Variants in EP400 observed in about 807,000 individuals in gnomAD.
The protein encoded by EP400 is E1A-binding protein p400.
In EP400, 105 loss-of-function variants were observed where a neutral mutation model predicts 354.1. The ratio of observed to expected loss-of-function variants is 0.30; its 90% CI spans 0.25 to 0.35. The LOEUF is 0.35. Among genes scored for constraint, EP400 ranks in the 10% least tolerant of loss-of-function variants. The pLI, the probability that EP400 is intolerant of heterozygous loss-of-function variation, is 1.00. For missense variants in EP400, 3,280 were observed against 4,121.0 expected, an observed-to-expected ratio of 0.80 and a Z score of 5.59; for synonymous variants, 1,646 against 1,716.9, an observed-to-expected ratio of 0.96 and a Z score of 1.02.
At chr12:131,962,536 T>G (rs947378465) in intron 2 of EP400, among the ~76,000 whole-genome samples, 1 of 152,238 alleles carries the variant, frequency 6.6e-6, no homozygotes, top group Non-Finnish European at 1.5e-5. Flanking sequence ...AAAAACTGTT[T>G]GAGAAGTTAT....
At chr12:132,062,375 G>A (rs1166310681) in intron 46 of EP400, 52 bp downstream of exon 46, 9 of 1,611,178 alleles carry the variant, frequency 5.6e-6, no homozygotes, top group Middle Eastern at 1.7e-4. Flanking sequence ...TGGCGCGTGT[G>A]AGGGCTCAGC....
chr12:132,016,560 C>T (rs1366860881), intron 19 of EP400, among the ~76,000 whole-genome samples: 6 of 152,006 alleles, frequency 3.9e-5, no homozygotes, highest in Admixed American at 1.3e-4. Flanking sequence ...TTAGTAGAGA[C>T]GGGGTTTTAC....
Position 132,078,042 on chromosome 12 carries a change from G to T in EP400, c.*369G>T. On this transcript the variant is annotated 3_prime_UTR_variant, in exon 53 of 53. Transcript: ENST00000389561. The stretch of plus-strand genomic sequence containing the variant: ...TTGCACGCCACAGAAGCCGTCTGCC[G>T]TGTGTGAGGAGCATACAATGGACTT... 2 of 219,812 alleles carry T rather than the reference G, an allele frequency of 9.1e-6. No homozygotes were observed. Among genetic ancestry groups the T allele is most frequent in the South Asian group, 8.4e-5 (1 of 11,894 alleles). The allele number at this position is 219,812 out of a possible 1,614,324, so 13.6% of individuals were successfully genotyped here.
rs1248886349 is a variant in EP400 at position 132,080,081 on chromosome 12, GC to G, written c.*2411del. ...GAGAACACAGACTATAAAGGCAGCA[GC>G]CCGAACACTGTCAGACTCTAATTGG... On this transcript the variant is annotated 3_prime_UTR_variant, in exon 53 of 53. Coordinates refer to ENST00000389561, the MANE Select transcript of EP400 (RefSeq NM_015409.5). The G allele has an allele frequency of 6.6e-6, 1 of 152,216 alleles. No individual in the cohort carries two copies. Among genetic ancestry groups the G allele is most frequent in the Non-Finnish European group, 1.5e-5 (1 of 68,052 alleles). The allele number at this position is 152,216 out of a possible 1,614,324, so 9.4% of individuals were successfully genotyped here.
At position 131,994,932 on chromosome 12, in the gene EP400, G is replaced by T; in HGVS notation, c.2803G>T (p.Glu935Ter). 1 of 1,614,002 alleles carries T rather than the reference G, an allele frequency of 6.2e-7. No homozygotes were observed. The highest frequency in any genetic ancestry group is 1.1e-5 in the South Asian group (1 of 91,058). ...TGAAGGCGTTGTGGACCACCAAACAGAACTTTCTAATTTAGCCAAGGAAGG... is the reference window on the plus strand; with the variant it reads ...TGAAGGCGTTGTGGACCACCAAACATAACTTTCTAATTTAGCCAAGGAAGG... ...ANEGVVDHQTELSNLAKEAEL... is the reference protein window; with the variant it reads ...ANEGVVDHQT Residue 935 changes from glutamate (E) to a stop codon, truncating the protein, a stop_gained, in exon 12 of 53, where the codon GAA becomes TAA. Transcript: ENST00000389561. LOFTEE classifies it high-confidence loss of function. This position sits in a 1 kb window ranked among gnomAD's most constrained non-coding sequence, Gnocchi z 4.6.
In EP400 at chr12:132,017,758, A is replaced by G. The variant is rs11609000; in HGVS notation, c.4110+37A>G. 2.7e-4 allele frequency: 399 copies of G among 1,502,672 alleles called. 1 individual carries two copies. The highest frequency in any genetic ancestry group is 3.3e-4 in the Admixed American group (14 of 42,310). The allele number at this position is 1,502,672 out of a possible 1,614,324, so 93.1% of individuals were successfully genotyped here. ...ATCCAGAAAGCGGAATTACTGTTGGATATCTTTTCTAGGCACATTATAGAT... is the reference window on the plus strand; with the variant it reads ...ATCCAGAAAGCGGAATTACTGTTGGGTATCTTTTCTAGGCACATTATAGAT... On this transcript the variant is annotated intron_variant, in intron 20 of 52. Transcript: ENST00000389561. The surrounding 1 kb of genome is among the most constrained non-coding windows in gnomAD (Gnocchi z 5.0).
At chr12:131,963,444 A>G (rs1247340769) in intron 2 of EP400, 8 of 913,922 alleles carry the variant, frequency 8.8e-6, no homozygotes, top group Non-Finnish European at 1.4e-5. Context: ...CCCAAATGTC[A>G]GTGAGCTATC....
chr12:132,060,408 C>T (rs1376881276), intron 45 of EP400, among the ~76,000 whole-genome samples: 1 of 152,132 alleles, frequency 6.6e-6, no homozygotes, highest in African/African-American at 2.4e-5. Context: ...AAAGTCTAAT[C>T]CCAGTCAAGG....
At chr12:131,998,203 G>C (rs528609303) in intron 12 of EP400, among the ~76,000 whole-genome samples, 1 of 152,276 alleles carries the variant, frequency 6.6e-6, no homozygotes, top group East Asian at 1.9e-4. Flanking sequence ...AATAGTTCTT[G>C]ATGTCTGGTT....
chr12:132,042,088 T>C (rs920174369), intron 32 of EP400, among the ~76,000 whole-genome samples: 2 of 151,964 alleles, frequency 1.3e-5, no homozygotes, highest in African/African-American at 4.8e-5. Flanking sequence ...GTAGCTGGAA[T>C]TACAGGTGCA....
At chr12:132,046,480 G>A (rs890689092) in intron 39 of EP400, among the ~76,000 whole-genome samples, 4 of 152,192 alleles carry the variant, frequency 2.6e-5, no homozygotes, top group Admixed American at 1.3e-4. Context: ...TTCTGGTACC[G>A]AAAGACTGGC....
At position 132,054,832 on chromosome 12, in the gene EP400, A is replaced by G; in HGVS notation, c.7729-142A>G. The G allele has an allele frequency of 1.2e-6, 1 of 837,204 alleles. No homozygotes were observed. Among genetic ancestry groups the G allele is most frequent in the South Asian group, 1.6e-5 (1 of 63,704 alleles). 51.9% of individuals were successfully genotyped at this position (837,204 alleles called of 1,614,324 possible). ...GAGGGTGGGGGCACCGCCAGGTGGA[A>G]TGAGCTGGGGAGGATGGGACAGGTG... On this transcript the variant is annotated intron_variant, in intron 43 of 52. Coordinates refer to ENST00000389561, the MANE Select transcript of EP400 (RefSeq NM_015409.5). This position sits in a 1 kb window ranked among gnomAD's most constrained non-coding sequence, Gnocchi z 4.0.
At position 132,062,482 on chromosome 12, in the gene EP400, C is replaced by A; in HGVS notation, c.8115C>A (p.Leu2705=). 2 of 1,613,052 alleles carry A rather than the reference C, an allele frequency of 1.2e-6. No individual in the cohort carries two copies. The highest frequency in any genetic ancestry group is 1.7e-6 in the Non-Finnish European group (2 of 1,180,014). ...PQVSQATGVQ[L]PGKTITPAHF... is the part of the protein sequence containing the mutation. ...TCTTCATAGCCACAGGAGTTCAGCT[C>A]CCTGGAAAAACCATCACACCTGCAC... Residue 2705 remains leucine (L), a synonymous_variant, in exon 47 of 53, where the codon CTC becomes CTA. Coordinates refer to ENST00000389561, the MANE Select transcript of EP400 (RefSeq NM_015409.5).
At chr12:132,024,321 C>T (rs568701551) in intron 24 of EP400, among the ~76,000 whole-genome samples, 11 of 152,144 alleles carry the variant, frequency 7.2e-5, no homozygotes, top group East Asian at 1.9e-4. Context: ...TGCAGTGAGC[C>T]GAGATCGTGT....
In EP400 at chr12:132,053,325, T is replaced by C; in HGVS notation, c.7474-18T>C. 1 of 1,592,298 alleles carries C rather than the reference T, an allele frequency of 6.3e-7. No homozygotes were observed. The highest frequency in any genetic ancestry group is 8.5e-7 in the Non-Finnish European group (1 of 1,174,234). On this transcript the variant is annotated intron_variant, in intron 42 of 52. Transcript: ENST00000389561. ...AGTCTGCCCCTCCAGTGGCTCCTCTTCCTTCCTGGCCCCTCAGGCTCTGGC... is the reference window on the plus strand; with the variant it reads ...AGTCTGCCCCTCCAGTGGCTCCTCTCCCTTCCTGGCCCCTCAGGCTCTGGC...
chr12:132,011,476 A>C, intron 15 of EP400, 22 bp from the exon 16 acceptor site: 1 of 1,611,542 alleles, frequency 6.2e-7, no homozygotes, highest in Non-Finnish European at 8.5e-7. Flanking sequence ...TGACGTGGAA[A>C]ATTCTGTTTT....
intron 1 of EP400, among the ~76,000 whole-genome samples, chr12:131,960,133 C>A (rs979717468): frequency 6.6e-6 from 1 of 152,212 alleles, no homozygotes; most frequent in Non-Finnish European, 1.5e-5. Context: ...CCGGAAAGTC[C>A]ACAGCGTGAA....
intron 30 of EP400, among the ~76,000 whole-genome samples, chr12:132,034,730 G>T (rs1257670214): frequency 6.6e-6 from 1 of 152,228 alleles, no homozygotes; most frequent in Non-Finnish European, 1.5e-5. Flanking sequence ...TGTGCTCCAC[G>T]AGTGAGAGGA....
At chr12:132,030,657 C>G (rs974851798) in intron 29 of EP400, among the ~76,000 whole-genome samples, 1 of 152,210 alleles carries the variant, frequency 6.6e-6, no homozygotes, top group Non-Finnish European at 1.5e-5. Flanking sequence ...TATGCTTGAC[C>G]TAGTAATTCT....
Sources: gnomAD v4.1 joint callset for allele counts (sites outside exome capture counted in the v4.1 genomes callset) on GRCh38, gnomAD v4.1.1 for gene constraint, Gnocchi (gnomAD v3.1) non-coding constraint, MANE v1.5 for transcripts, NCBI Gene and HGNC (gene_info 2026-07-23, HGNC 2026-07-21) for gene names.